Variants in PCDHA1 observed in about 807,000 individuals in gnomAD.
PCDHA1 encodes protocadherin alpha-1.
In PCDHA1, 42 loss-of-function variants were observed where a neutral mutation model predicts 61.3. The observed-to-expected ratio is 0.69, with a 90% CI of 0.54 to 0.89. The LOEUF (loss-of-function observed/expected upper bound fraction) is 0.89, where lower values mean the gene tolerates loss of function less well. Among genes scored for constraint, PCDHA1 ranks in the 40% least tolerant of loss-of-function variants. The pLI is 0.00. For missense variants in PCDHA1, 1,256 were observed against 1,235.3 expected, an observed-to-expected ratio of 1.02 and a Z score of -0.25; for synonymous variants, 610 against 553.8, an observed-to-expected ratio of 1.10 and a Z score of -1.43.
chr5:140,915,677 A>C (rs1352514451), intron 1 of PCDHA1, among the ~76,000 whole-genome samples: 4 of 150,138 alleles, frequency 2.7e-5, no homozygotes, highest in African/African-American at 9.8e-5. Flanking sequence ...GCCATCTTGA[A>C]CTAGGGGTAT....
chr5:140,971,973 A>G (rs1554233757), intron 1 of PCDHA1, among the ~76,000 whole-genome samples: 1 of 152,218 alleles, frequency 6.6e-6, no homozygotes, highest in South Asian at 2.1e-4. Flanking sequence ...TTTCAATACT[A>G]TGAGTAGACA....
At chr5:140,822,873 G>C (rs1304817272) in intron 1 of PCDHA1, 51 of 1,614,094 alleles carry the variant, frequency 3.2e-5, no homozygotes, top group African/African-American at 6.7e-5. Context: ...CACTCAGCAC[G>C]GTCATTGCTC....
rs2150356051 is a variant in PCDHA1, at chr5:140,843,257, C to A, written c.2394+54573C>A. On this transcript the variant is annotated intron_variant, in intron 1 of 3. Coordinates refer to ENST00000504120, the MANE Select transcript of PCDHA1 (RefSeq NM_018900.4). ...GGACGAAGCGGACTCTCCGCGCCAC[C>A]GTCTGCTGGTCCTGGTGAAGGATCA... 1.1e-5 allele frequency: 18 copies of A among 1,596,054 alleles called. 1 individual carries two copies. Among genetic ancestry groups the A allele is most frequent in the Non-Finnish European group, 1.5e-5 (18 of 1,165,602 alleles).
intron 1 of PCDHA1, chr5:140,876,782 C>T (rs372500794): frequency 2.5e-6 from 4 of 1,614,096 alleles, no homozygotes; most frequent in African/African-American, 2.7e-5. Flanking sequence ...TCGCTGTGGG[C>T]CACGGCTAGA....
chr5:140,963,196 G>GA (rs199602110), intron 1 of PCDHA1, among the ~76,000 whole-genome samples: 256 of 147,602 alleles, frequency 1.7e-3, no homozygotes, highest in African/African-American at 4.3e-3. Flanking sequence ...CTGTGAAAAT[G>GA]AAAAAAAAAA....
At chr5:140,956,156 T>C (rs1467785699) in intron 1 of PCDHA1, among the ~76,000 whole-genome samples, 1 of 152,204 alleles carries the variant, frequency 6.6e-6, no homozygotes, top group Non-Finnish European at 1.5e-5. Flanking sequence ...TCTTTCCTAA[T>C]TGCCATAGCC....
intron 3 of PCDHA1, among the ~76,000 whole-genome samples, chr5:141,003,899 A>G (rs1288060303): frequency 1.3e-5 from 2 of 152,200 alleles, no homozygotes; most frequent in East Asian, 1.9e-4. Context: ...AGGCCCATTC[A>G]TTTGGGTCTT....
At position 141,005,728 on chromosome 5, in the gene PCDHA1, A is replaced by T. The variant is rs574255915; in HGVS notation, c.2543-3899A>T. On this transcript the variant is annotated intron_variant, in intron 3 of 3. Coordinates refer to ENST00000504120, the MANE Select transcript of PCDHA1 (RefSeq NM_018900.4). ...AAAAAAAAAAAAAAAAAAAAAAAAA[A>T]AAAGAATGGATGAGAAATCATTCAA... Among the ~76,000 whole-genome samples the T allele has an allele frequency of 1.3e-4, 19 of 150,362 alleles. No homozygotes were observed. The South Asian group carries it at 1.7e-3, about 13-fold the overall frequency.
At chr5:140,886,746 A>C (rs2061113111) in intron 1 of PCDHA1, among the ~76,000 whole-genome samples, 1 of 151,722 alleles carries the variant, frequency 6.6e-6, no homozygotes. Context: ...GAATTGCTTG[A>C]ACCCGGGAGG....
At chr5:140,882,993 T>G (rs1554176415) in intron 1 of PCDHA1, 2 of 1,614,080 alleles carry the variant, frequency 1.2e-6, no homozygotes, top group Non-Finnish European at 1.7e-6. Flanking sequence ...GCCCCGGAAT[T>G]TTACCAATCC....
intron 1 of PCDHA1, among the ~76,000 whole-genome samples, chr5:140,838,461 T>C (rs2150289673): frequency 4.0e-5 from 6 of 151,692 alleles, no homozygotes; most frequent in Non-Finnish European, 7.4e-5. Context: ...ATTATTTCAT[T>C]AGCGCTTATT....
intron 3 of PCDHA1, among the ~76,000 whole-genome samples, chr5:141,000,955 T>G (rs1237087024): frequency 6.6e-6 from 1 of 152,210 alleles, no homozygotes; most frequent in Non-Finnish European, 1.5e-5. Flanking sequence ...CTTGCTGTAA[T>G]TTAAGCCTTC....
intron 1 of PCDHA1, among the ~76,000 whole-genome samples, chr5:140,891,310 G>A (rs1361380938): frequency 6.6e-6 from 1 of 152,030 alleles, no homozygotes; most frequent in Non-Finnish European, 1.5e-5. Flanking sequence ...GATTACATGA[G>A]TAAGTTCTTT....
intron 3 of PCDHA1, among the ~76,000 whole-genome samples, chr5:140,999,223 G>A (rs1554256702): frequency 3.3e-5 from 5 of 152,316 alleles, no homozygotes; most frequent in African/African-American, 1.2e-4. Flanking sequence ...TACTACATTT[G>A]AGAATAGGTG....
chr5:140,853,605 G>C lies in PCDHA1; in HGVS notation c.2394+64921G>C, dbSNP rs773791072. ...TCTTAGACACTTTGAGAGCAAAGGG[G>C]GTGCTGTAAATAAGTATACAAGATC... On this transcript the variant is annotated intron_variant, in intron 1 of 3. Coordinates refer to ENST00000504120, the MANE Select transcript of PCDHA1 (RefSeq NM_018900.4). The C allele has an allele frequency of 3.1e-5, 31 of 987,206 alleles. 2 individuals carry two copies. The highest frequency in any genetic ancestry group is 3.7e-5 in the Non-Finnish European group (30 of 819,622). The allele number at this position is 987,206 out of a possible 1,614,324, so 61.2% of individuals were successfully genotyped here.
At chr5:140,805,388 T>A in intron 1 of PCDHA1, 2 of 1,093,934 alleles carry the variant, frequency 1.8e-6, no homozygotes, top group Non-Finnish European at 1.1e-6. Context: ...GTACTCTGGT[T>A]TCTGTTTGAT....
At chr5:140,961,981 T>G (rs1408145304) in intron 1 of PCDHA1, among the ~76,000 whole-genome samples, 1 of 152,076 alleles carries the variant, frequency 6.6e-6, no homozygotes, top group African/African-American at 2.4e-5. Context: ...CCTCCTGGGT[T>G]CACGCCATTG....
chr5:140,957,652 A>G (rs2095373583), intron 1 of PCDHA1, among the ~76,000 whole-genome samples: 1 of 152,132 alleles, frequency 6.6e-6, no homozygotes, highest in African/African-American at 2.4e-5. Flanking sequence ...TAAATATTCA[A>G]TCATGGAGTA....
intron 1 of PCDHA1, chr5:140,867,745 A>G (rs1342140044): frequency 6.6e-6 from 1 of 152,108 alleles, no homozygotes. Flanking sequence ...CAAGCAAGTT[A>G]CAACTTCAGG....
Sources: gnomAD v4.1 joint callset for allele counts (sites outside exome capture counted in the v4.1 genomes callset) on GRCh38, gnomAD v4.1.1 for gene constraint, MANE v1.5 for transcripts, NCBI Gene and HGNC (gene_info 2026-07-23, HGNC 2026-07-21) for gene names.